ZC4H2: variants seen among roughly 807,000 people sequenced by gnomAD.
ZC4H2 encodes the protein zinc finger C4H2-type containing.
For missense variants in ZC4H2, 137 were observed against 173.9 expected, an observed-to-expected ratio of 0.79 and a Z score of 1.19; for synonymous variants, 84 against 66.3, an observed-to-expected ratio of 1.27 and a Z score of -1.30.
At chrX:64,954,524 G>A (rs1931076800) in intron 1 of ZC4H2, among the ~76,000 whole-genome samples, 1 of 102,987 alleles carries the variant, frequency 9.7e-6, no homozygotes, top group African/African-American at 3.7e-5. Flanking sequence ...TTTTAATTGT[G>A]TTTTTAACTA....
At chrX:64,956,874 T>G (rs1235998701) in intron 1 of ZC4H2, among the ~76,000 whole-genome samples, 1 of 112,504 alleles carries the variant, frequency 8.9e-6, no homozygotes, top group Non-Finnish European at 1.9e-5. Flanking sequence ...ACTGTTCTAC[T>G]GTTTTCCAGT....
At chrX:64,961,834 A>G (rs1351869132) in intron 1 of ZC4H2, among the ~76,000 whole-genome samples, 6 of 111,468 alleles carry the variant, frequency 5.4e-5, no homozygotes, top group Non-Finnish European at 1.1e-4. Context: ...ATAAATTCCT[A>G]TAAGCATACA....
At chrX:64,991,026 T>C (rs1932298554) in intron 1 of ZC4H2, among the ~76,000 whole-genome samples, 1 of 111,993 alleles carries the variant, frequency 8.9e-6, no homozygotes, top group Non-Finnish European at 1.9e-5. Context: ...AAAATCCTAG[T>C]ATTCAATGTA....
chrX:64,961,156 T>G (rs946450111), intron 1 of ZC4H2, among the ~76,000 whole-genome samples: 3 of 111,975 alleles, frequency 2.7e-5, no homozygotes, highest in African/African-American at 9.7e-5. Context: ...TATTTATAAT[T>G]GTTGCATATT....
intron 1 of ZC4H2, among the ~76,000 whole-genome samples, chrX:64,963,287 A>AT (rs947396674): frequency 8.9e-6 from 1 of 111,993 alleles, no homozygotes; most frequent in African/African-American, 3.2e-5. Flanking sequence ...TTAACTACAA[A>AT]TGTATTAAAC....
chrX:64,917,744 G>A lies in ZC4H2; in HGVS notation c.*39C>T, dbSNP rs1246824735. 8.4e-7 allele frequency: 1 copy of A among 1,194,513 alleles called. No homozygotes were observed. Among genetic ancestry groups the A allele is most frequent in the South Asian group, 1.8e-5 (1 of 54,603 alleles). ...CATCAATGACTCTGGTCAAGGTGAG[G>A]GGTTATAATTAGCAAAGCTTCATGT... On this transcript the variant is annotated 3_prime_UTR_variant, in exon 5 of 5. Coordinates refer to ENST00000374839, the MANE Select transcript of ZC4H2 (RefSeq NM_018684.4).
At chrX:64,980,965 G>T (rs1461327986), upstream of ZC4H2, among the ~76,000 whole-genome samples, 2 of 111,241 alleles carry the variant, frequency 1.8e-5, no homozygotes, top group East Asian at 5.7e-4. Context: ...GAATGTTTTA[G>T]TTAGGATGGT....
chrX:65,025,078 T>C (rs753252516), intron 1 of ZC4H2, among the ~76,000 whole-genome samples: 10 of 110,364 alleles, frequency 9.1e-5, no homozygotes, highest in Non-Finnish European at 1.9e-4. Context: ...AGTTGAGCTG[T>C]CATATTTATT....
intron 1 of ZC4H2, among the ~76,000 whole-genome samples, chrX:65,003,793 C>T (rs762597072): frequency 9.2e-6 from 1 of 108,987 alleles, no homozygotes; most frequent in African/African-American, 3.3e-5. Flanking sequence ...AGGAGAATGG[C>T]GTGAACCCCG....
intron 1 of ZC4H2, among the ~76,000 whole-genome samples, chrX:64,953,810 C>A (rs951024599): frequency 6.9e-4 from 77 of 111,426 alleles, no homozygotes; most frequent in African/African-American, 2.4e-3. Context: ...CAGCCATCCC[C>A]TTACTGGGTA....
At chrX:64,942,004 G>C (rs1930306662) in intron 1 of ZC4H2, among the ~76,000 whole-genome samples, 1 of 111,280 alleles carries the variant, frequency 9.0e-6, no homozygotes, top group African/African-American at 3.3e-5. Context: ...GAATTTGGCT[G>C]TGAATCCGCC....
chrX:65,032,993 T>C (rs993427140), intron 1 of ZC4H2, among the ~76,000 whole-genome samples: 1 of 111,398 alleles, frequency 9.0e-6, no homozygotes, highest in Non-Finnish European at 1.9e-5. Flanking sequence ...GCCAGGCTGG[T>C]CTTGAACTCC....
At chrX:64,931,341 C>A (rs1248417835) in intron 1 of ZC4H2, among the ~76,000 whole-genome samples, 1 of 111,113 alleles carries the variant, frequency 9.0e-6, no homozygotes, top group Non-Finnish European at 1.9e-5. Context: ...TTTGTTTGTT[C>A]CAGTTTCATT....
At chrX:64,988,795 C>T (rs920126324) in intron 1 of ZC4H2, among the ~76,000 whole-genome samples, 49 of 110,958 alleles carry the variant, frequency 4.4e-4, no homozygotes, top group African/African-American at 1.4e-3. Context: ...GAAGTCCTTG[C>T]CCATGCCTAT....
chrX:64,920,952 AT>A (rs1929170559), intron 2 of ZC4H2, among the ~76,000 whole-genome samples: 1 of 112,173 alleles, frequency 8.9e-6, no homozygotes, highest in Non-Finnish European at 1.9e-5. Context: ...TATCTTCCTC[AT>A]TTAACTGGCC....
intron 1 of ZC4H2, among the ~76,000 whole-genome samples, chrX:64,938,553 T>G (rs981018593): frequency 8.9e-6 from 1 of 111,792 alleles, no homozygotes; most frequent in Admixed American, 9.5e-5. Context: ...ACTGGCAAAC[T>G]GAATCCAGCA....
At chrX:64,970,103 T>G (rs942250086) in intron 1 of ZC4H2, among the ~76,000 whole-genome samples, 5 of 111,904 alleles carry the variant, frequency 4.5e-5, no homozygotes, top group Non-Finnish European at 7.5e-5. Flanking sequence ...TCAGTAAATG[T>G]CACTGAATGA....
intron 1 of ZC4H2, among the ~76,000 whole-genome samples, chrX:64,950,668 A>G (rs1449352013): frequency 2.7e-5 from 3 of 110,803 alleles, no homozygotes; most frequent in African/African-American, 9.9e-5. Context: ...CTAGGATTGC[A>G]ATCCCCACCT....
At chrX:64,922,390 A>T (rs994091763) in intron 1 of ZC4H2, 7 of 126,136 alleles carry the variant, frequency 5.5e-5, no homozygotes, top group Non-Finnish European at 1.1e-4. Flanking sequence ...GGATTGCTTA[A>T]GCTATGATTG....
Sources: gnomAD v4.1 joint callset for allele counts (sites outside exome capture counted in the v4.1 genomes callset) on GRCh38, gnomAD v4.1.1 for gene constraint, MANE v1.5 for transcripts, NCBI Gene and HGNC (gene_info 2026-07-23, HGNC 2026-07-21) for gene names.